ACTR3B: variants seen among roughly 807,000 people sequenced by gnomAD.
ACTR3B encodes the protein actin-related protein 3B.
Under a neutral mutation model 59.0 loss-of-function variants are expected in ACTR3B, and 8 were observed. That is an observed-to-expected ratio of 0.14 (90% confidence interval 0.08 to 0.24). The LOEUF is 0.24. ACTR3B is among the 10% of genes least tolerant of loss of function. ACTR3B has a pLI of 1.00. For synonymous variants in ACTR3B, 148 were observed against 197.9 expected (o/e 0.75, Z 2.12); for missense variants, 245 against 552.3 (o/e 0.44, Z 5.58).
chr7:152,768,300 T>C (rs2462112), intron 1 of ACTR3B, among the ~76,000 whole-genome samples: 1 of 152,122 alleles, frequency 6.6e-6, no homozygotes, highest in East Asian at 1.9e-4. Context: ...GACTCTTAAC[T>C]GCTTTTTTAT....
chr7:152,780,941 G>C (rs2098151073), intron 1 of ACTR3B, among the ~76,000 whole-genome samples: 2 of 150,726 alleles, frequency 1.3e-5, no homozygotes, highest in African/African-American at 4.9e-5. Flanking sequence ...GAACTCCTGG[G>C]CTTAACGGGT....
chr7:152,843,672 TTGCACAGTCTTACCC>T (rs1258089091), intron 9 of ACTR3B, among the ~76,000 whole-genome samples: 2 of 152,212 alleles, frequency 1.3e-5, no homozygotes, highest in Non-Finnish European at 2.9e-5. Flanking sequence ...TGACAAGTAA[TTGCACAGTCTTACCC>T]TGCACTGGAC....
intron 9 of ACTR3B, among the ~76,000 whole-genome samples, chr7:152,837,460 AT>A (rs1156564434): frequency 6.6e-6 from 1 of 152,268 alleles, no homozygotes; most frequent in Non-Finnish European, 1.5e-5. Flanking sequence ...TTGAAAAATA[AT>A]AAGCTCAGAC....
At chr7:152,799,431 C>T (rs2098227648) in intron 2 of ACTR3B, among the ~76,000 whole-genome samples, 1 of 152,158 alleles carries the variant, frequency 6.6e-6, no homozygotes, top group Admixed American at 6.5e-5. Flanking sequence ...TAGTACCTGT[C>T]TCATAAGCTA....
intron 4 of ACTR3B, among the ~76,000 whole-genome samples, chr7:152,802,938 C>T (rs535355779): frequency 2.0e-4 from 30 of 152,150 alleles, no homozygotes; most frequent in Admixed American, 2.0e-3. Context: ...TCTTTTTTCC[C>T]TGGCTGTGTC....
chr7:152,835,165 C>CTATAG (rs1381425044), intron 9 of ACTR3B, among the ~76,000 whole-genome samples: 4 of 152,112 alleles, frequency 2.6e-5, no homozygotes, highest in Non-Finnish European at 1.5e-5. Flanking sequence ...AGGGCCAAGC[C>CTATAG]GCGTGGGTCT....
At position 152,854,709 on chromosome 7, in the gene ACTR3B, A is replaced by G. The variant is rs918598814; in HGVS notation, c.*156A>G. 4 of 685,902 alleles carry G rather than the reference A, an allele frequency of 5.8e-6. No individual in the cohort carries two copies. The highest frequency in any genetic ancestry group is 2.6e-5 in the Admixed American group (1 of 39,006). 42.5% of individuals were successfully genotyped at this position (685,902 alleles called of 1,614,324 possible). ...GCATGAGGCGCGGCGCGGGCCCTTC[A>G]GTAAAAGCCATTTATCCGTGTGCCG... On this transcript the variant is annotated 3_prime_UTR_variant, in exon 12 of 12. Coordinates refer to ENST00000256001, the MANE Select transcript of ACTR3B (RefSeq NM_020445.6). This position sits in a 1 kb window ranked among gnomAD's most constrained non-coding sequence, Gnocchi z 4.9.
intron 2 of ACTR3B, among the ~76,000 whole-genome samples, chr7:152,783,459 CATTT>C (rs2098161537): frequency 6.6e-6 from 1 of 151,628 alleles, no homozygotes; most frequent in Admixed American, 6.6e-5. Context: ...CAGCAGGGTC[CATTT>C]ATTCAATTAT....
Position 152,824,705 on chromosome 7 carries a change from T to C in ACTR3B, c.859-325T>C, listed in dbSNP as rs1796435411. The stretch of plus-strand genomic sequence containing the variant: ...TCAAAGTCATGTTTCTCACTGCGTG[T>C]CACATAGATCGTGCACATACTCTCC... On this transcript the variant is annotated intron_variant, in intron 8 of 11. Transcript: ENST00000256001. The surrounding 1 kb of genome is among the most constrained non-coding windows in gnomAD (Gnocchi z 4.2). Among the ~76,000 whole-genome samples, 2 of 152,144 alleles carry C rather than the reference T, an allele frequency of 1.3e-5. No individual in the cohort carries two copies. Among genetic ancestry groups the C allele is most frequent in the African/African-American group, 2.4e-5 (1 of 41,368 alleles).
rs1255277374 is a variant in ACTR3B, at chr7:152,854,731, G to A, written c.*178G>A. ...TTCAGTAAAAGCCATTTATCCGTGT[G>A]CCGACCGCTGTCTGCCAGCCTCCTC... On this transcript the variant is annotated 3_prime_UTR_variant, in exon 12 of 12. Transcript: ENST00000256001. This position sits in a 1 kb window ranked among gnomAD's most constrained non-coding sequence, Gnocchi z 4.9. 3 of 584,116 alleles carry A rather than the reference G, an allele frequency of 5.1e-6. No individual in the cohort carries two copies. Among genetic ancestry groups the A allele is most frequent in the South Asian group, 2.2e-5 (1 of 45,548 alleles). The allele number at this position is 584,116 out of a possible 1,614,324, so 36.2% of individuals were successfully genotyped here.
chr7:152,769,403 G>A (rs1488920809), intron 1 of ACTR3B, among the ~76,000 whole-genome samples: 1 of 152,110 alleles, frequency 6.6e-6, no homozygotes, highest in Non-Finnish European at 1.5e-5. Context: ...ATATCAAGAT[G>A]TGTGATCCCT....
chr7:152,768,404 G>A (rs1397581581), intron 1 of ACTR3B, among the ~76,000 whole-genome samples: 4 of 152,104 alleles, frequency 2.6e-5, no homozygotes, highest in Non-Finnish European at 5.9e-5. Flanking sequence ...GATTTTAGTG[G>A]GATAGTTCTG....
chr7:152,760,704 A>G (rs910502317), intron 1 of ACTR3B, among the ~76,000 whole-genome samples: 10 of 152,158 alleles, frequency 6.6e-5, no homozygotes, highest in Non-Finnish European at 1.3e-4. Context: ...GAGTGTGACC[A>G]CTTCTTTCGT....
chr7:152,815,221 A>AAGG (rs199836055), intron 5 of ACTR3B, among the ~76,000 whole-genome samples: 12 of 152,034 alleles, frequency 7.9e-5, no homozygotes, highest in African/African-American at 1.7e-4. Context: ...AGTCACTTCT[A>AAGG]AGGAGGAGGA....
intron 2 of ACTR3B, chr7:152,786,535 AG>A: frequency 1.3e-5 from 2 of 151,652 alleles, no homozygotes; most frequent in Non-Finnish European, 2.9e-5. Context: ...CCTGGGGGAC[AG>A]AGTGAGGTTC....
intron 6 of ACTR3B, among the ~76,000 whole-genome samples, 179 bp from the exon 7 acceptor site, chr7:152,820,120 A>G (rs1044506079): frequency 3.9e-5 from 6 of 152,246 alleles, no homozygotes; most frequent in Admixed American, 3.9e-4. Context: ...ATGGAATTGC[A>G]TATGCAGTCA....
chr7:152,799,528 A>G lies in ACTR3B; in HGVS notation c.101-1003A>G, dbSNP rs181369348. On this transcript the variant is annotated intron_variant, in intron 2 of 11. Coordinates refer to ENST00000256001, the MANE Select transcript of ACTR3B (RefSeq NM_020445.6). ...TAAACTTTAATTATTATTATTAGTT[A>G]TTGACTTCAGAGCCTCCCACTGGAG... Among the ~76,000 whole-genome samples the G allele has an allele frequency of 2.8e-3, 431 of 151,988 alleles. 4 individuals carry two copies. Among genetic ancestry groups the G allele is most frequent in the African/African-American group, 0.01 (416 of 41,284 alleles).
chr7:152,765,132 CCGGAGACAGAG>C (rs2098104957), intron 1 of ACTR3B, among the ~76,000 whole-genome samples: 15 of 99,136 alleles, frequency 1.5e-4, no homozygotes, highest in Admixed American at 3.7e-4. Context: ...TTTTTTTTTT[CCGGAGACAGAG>C]TTTTGCTTTC....
At chr7:152,803,420 A>T in intron 4 of ACTR3B, among the ~76,000 whole-genome samples, 1 of 152,314 alleles carries the variant, frequency 6.6e-6, no homozygotes, top group South Asian at 2.1e-4. Context: ...TTACAGCCAA[A>T]ACAAATCACA....
Sources: allele counts gnomAD v4.1 joint callset (sites outside exome capture counted in the v4.1 genomes callset), GRCh38; gene constraint gnomAD v4.1.1; non-coding constraint Gnocchi (gnomAD v3.1); transcripts MANE v1.5; gene names NCBI Gene and HGNC (gene_info 2026-07-23, HGNC 2026-07-21).